Variants in OTUB2 observed in about 807,000 individuals in gnomAD.
OTUB2 encodes OTU deubiquitinase, ubiquitin aldehyde binding 2, also known as ubiquitin thioesterase OTUB2.
In OTUB2, 21 loss-of-function variants were observed where a neutral mutation model predicts 25.1. That is an observed-to-expected ratio of 0.84 (90% CI 0.59 to 1.21). The LOEUF (loss-of-function observed/expected upper bound fraction) is 1.21. OTUB2 is among the 50% of genes most tolerant of loss of function. The pLI, the probability that OTUB2 is intolerant of heterozygous loss-of-function variation, is 0.00. For missense variants in OTUB2, 283 were observed against 298.0 expected, an observed-to-expected ratio of 0.95 and a Z score of 0.37; for synonymous variants, 122 against 122.8, an observed-to-expected ratio of 0.99 and a Z score of 0.04.
chr14:94,045,677 C>T (rs1595369477), intron 5 of OTUB2, 39 bp from the exon 6 acceptor site: 2 of 1,598,194 alleles, frequency 1.3e-6, no homozygotes, highest in Non-Finnish European at 1.7e-6. Flanking sequence ...TGCCAGGCCT[C>T]CCTCCTAAGC....
chr14:94,041,379 C>T (rs998652347), intron 3 of OTUB2, among the ~76,000 whole-genome samples: 6 of 151,726 alleles, frequency 4.0e-5, no homozygotes, highest in Non-Finnish European at 5.9e-5. Flanking sequence ...GCAGGCAGGC[C>T]GGGGCACACA....
chr14:94,027,429 G>A (rs955671893), intron 1 of OTUB2, among the ~76,000 whole-genome samples: 1 of 152,222 alleles, frequency 6.6e-6, no homozygotes, highest in African/African-American at 2.4e-5. Flanking sequence ...AGTGAGGGCT[G>A]GGTGGCTTGA....
rs1347031025 is a variant in OTUB2, at chr14:94,046,361, CAA to C, written c.*442_*443del. The C allele has an allele frequency of 2.7e-5, 6 of 218,858 alleles. No homozygotes were observed. The highest frequency in any genetic ancestry group is 2.0e-4 in the East Asian group (2 of 9,784). The allele number at this position is 218,858 out of a possible 1,614,324, so 13.6% of individuals were successfully genotyped here. A position where few individuals can be genotyped will look rare whatever the true frequency, so the allele number is the denominator to read the frequency against. ...TAACCCAAGTGACTTACCAGGCCTACAAAAGAGTCCAGTCCAGTCACTTGTTG... is the reference window on the plus strand; with the variant it reads ...TAACCCAAGTGACTTACCAGGCCTACAAGAGTCCAGTCCAGTCACTTGTTG... On this transcript the variant is annotated 3_prime_UTR_variant, in exon 6 of 6. Transcript: ENST00000203664.
At chr14:94,027,239 C>T (rs1207407548) in intron 1 of OTUB2, among the ~76,000 whole-genome samples, 1 of 152,252 alleles carries the variant, frequency 6.6e-6, no homozygotes, top group Non-Finnish European at 1.5e-5. Context: ...CCAGACAGGG[C>T]AGGGCTGGTA....
chr14:94,027,512 G>A (rs575857056), intron 1 of OTUB2, among the ~76,000 whole-genome samples: 159 of 152,308 alleles, frequency 1.0e-3, no homozygotes, highest in African/African-American at 3.6e-3. Flanking sequence ...TGGTTGGTCC[G>A]CTCTCCCCCT....
intron 3 of OTUB2, among the ~76,000 whole-genome samples, chr14:94,042,198 C>T (rs1018305643): frequency 1.3e-5 from 2 of 152,252 alleles, no homozygotes; most frequent in African/African-American, 4.8e-5. Flanking sequence ...ACTGTTACTA[C>T]CACATCTGAT....
intron 1 of OTUB2, among the ~76,000 whole-genome samples, chr14:94,029,734 A>G (rs1387890598): frequency 2.6e-5 from 4 of 152,240 alleles, no homozygotes; most frequent in Non-Finnish European, 5.9e-5. Flanking sequence ...TTTCTGGAGC[A>G]TGGCTGTGTG....
intron 4 of OTUB2, 136 bp from the exon 5 acceptor site, chr14:94,044,450 T>G: frequency 5.2e-6 from 5 of 957,574 alleles, no homozygotes; most frequent in Non-Finnish European, 7.6e-6. Context: ...CTCAGACTGA[T>G]TTTCTAACTC....
intron 1 of OTUB2, among the ~76,000 whole-genome samples, chr14:94,032,584 G>A (rs1567051433): frequency 1.3e-5 from 2 of 152,070 alleles, no homozygotes; most frequent in African/African-American, 2.4e-5. Context: ...AGTTTGGGAT[G>A]ATTAAAAGCT....
At chr14:94,036,838 C>T (rs996114298) in intron 1 of OTUB2, among the ~76,000 whole-genome samples, 20 of 152,148 alleles carry the variant, frequency 1.3e-4, no homozygotes, top group Non-Finnish European at 2.6e-4. Flanking sequence ...CCACACACTG[C>T]GGCCTCTTCT....
intron 5 of OTUB2, 91 bp downstream of exon 5, chr14:94,044,871 C>T (rs775847721): frequency 6.8e-6 from 9 of 1,318,448 alleles, no homozygotes; most frequent in East Asian, 2.5e-5. Flanking sequence ...CCAAGGGACT[C>T]GGGTGTCACG....
At chr14:94,035,084 C>T (rs141487317) in intron 1 of OTUB2, among the ~76,000 whole-genome samples, 16 of 152,246 alleles carry the variant, frequency 1.1e-4, no homozygotes, top group African/African-American at 3.6e-4. Flanking sequence ...GTTGCTTTGC[C>T]AGCCCACGCT....
At position 94,046,209 on chromosome 14, in the gene OTUB2, G is replaced by T; in HGVS notation, c.*287G>T. On this transcript the variant is annotated 3_prime_UTR_variant, in exon 6 of 6. Coordinates refer to ENST00000203664, the MANE Select transcript of OTUB2 (RefSeq NM_023112.4). Reference sequence around the variant, plus strand: ...TGGGTCACCTGCCCTCTCTGGACTTGTTTCTTCAACTGGAGGAGGTCCCTG... The same window carrying T: ...TGGGTCACCTGCCCTCTCTGGACTTTTTTCTTCAACTGGAGGAGGTCCCTG... 1.9e-6 allele frequency: 1 copy of T among 518,012 alleles called. No homozygotes were observed. Among genetic ancestry groups the T allele is most frequent in the Non-Finnish European group, 3.5e-6 (1 of 288,168 alleles). The allele number at this position is 518,012 out of a possible 1,614,324, so 32.1% of individuals were successfully genotyped here.
intron 3 of OTUB2, among the ~76,000 whole-genome samples, chr14:94,042,229 A>G (rs551888475): frequency 6.6e-6 from 1 of 152,342 alleles, no homozygotes; most frequent in African/African-American, 2.4e-5. Flanking sequence ...AGCCTCATAG[A>G]GGTCAAATGA....
At chr14:94,038,523 T>TA (rs1417576820) in intron 2 of OTUB2, among the ~76,000 whole-genome samples, 1 of 152,188 alleles carries the variant, frequency 6.6e-6, no homozygotes, top group African/African-American at 2.4e-5. Context: ...GACACCTACT[T>TA]ACTGCTAGGA....
chr14:94,040,168 CTG>C (rs1403654225), intron 3 of OTUB2, among the ~76,000 whole-genome samples: 2 of 152,332 alleles, frequency 1.3e-5, no homozygotes, highest in Admixed American at 6.5e-5. Flanking sequence ...CCATCGTCTC[CTG>C]TTCAAAATAT....
At chr14:94,030,657 G>A (rs1209389723) in intron 1 of OTUB2, among the ~76,000 whole-genome samples, 1 of 152,102 alleles carries the variant, frequency 6.6e-6, no homozygotes, top group Non-Finnish European at 1.5e-5. Context: ...GCTGAACAAT[G>A]GCCCCAATGA....
intron 1 of OTUB2, among the ~76,000 whole-genome samples, chr14:94,035,660 C>T (rs1022705611): frequency 1.3e-5 from 2 of 152,078 alleles, no homozygotes; most frequent in Non-Finnish European, 2.9e-5. Context: ...CCCTGAATCC[C>T]CCATGTCGGG....
chr14:94,033,393 A>C (rs1595365607), intron 1 of OTUB2, among the ~76,000 whole-genome samples: 1 of 152,182 alleles, frequency 6.6e-6, no homozygotes, highest in Non-Finnish European at 1.5e-5. Context: ...AGTTTTCTGC[A>C]TTGAAGTACT....
Sources: gnomAD v4.1 joint callset for allele counts (sites outside exome capture counted in the v4.1 genomes callset) on GRCh38, gnomAD v4.1.1 for gene constraint, MANE v1.5 for transcripts, NCBI Gene and HGNC (gene_info 2026-07-23, HGNC 2026-07-21) for gene names.